YIPF2: variants seen among roughly 807,000 people sequenced by gnomAD.
YIPF2 encodes the protein protein YIPF2.
YIPF2 carries 30 observed loss-of-function variants against 38.8 expected under a neutral mutation model. That is an observed-to-expected ratio of 0.77 (90% confidence interval 0.58 to 1.05). YIPF2 has a LOEUF of 1.05. YIPF2 is among the 50% of genes least tolerant of loss of function. YIPF2 has a pLI of 0.00. For synonymous variants in YIPF2, 194 were observed against 183.8 expected (o/e 1.06, Z -0.45); for missense variants, 401 against 409.7 (o/e 0.98, Z 0.18).
At chr19:10,926,083 G>C (rs2083420768) in intron 4 of YIPF2, among the ~76,000 whole-genome samples, 1 of 151,304 alleles carries the variant, frequency 6.6e-6, no homozygotes, top group Admixed American at 6.6e-5. Context: ...GCTAATAGTT[G>C]TATTTTTAAT....
intron 4 of YIPF2, among the ~76,000 whole-genome samples, chr19:10,927,272 G>T (rs2083440669): frequency 6.6e-6 from 1 of 152,204 alleles, no homozygotes; most frequent in East Asian, 1.9e-4. Flanking sequence ...CTTAAGTGCT[G>T]GGATTACAGG....
chr19:10,927,934 C>A lies in YIPF2; in HGVS notation c.57G>T (p.Leu19=). 1 of 1,609,476 alleles carries A rather than the reference C, an allele frequency of 6.2e-7. No individual in the cohort carries two copies. Among genetic ancestry groups the A allele is most frequent in the Middle Eastern group, 1.7e-4 (1 of 6,052 alleles). ...TGGTGGCTGCATCTGGGGTGTCAGC[C>A]AGAAGATTAGTGGCCTCCTCGAATT... ...FHEFEEATNL[L]ADTPDAATTS... The change falls in exon 3 of 10, where the codon CTG becomes CTT. Residue 19 remains leucine (L), a synonymous_variant. Coordinates refer to ENST00000586748, the MANE Select transcript of YIPF2 (RefSeq NM_001321439.2).
intron 5 of YIPF2, among the ~76,000 whole-genome samples, chr19:10,924,854 C>A (rs1350927558): frequency 1.3e-5 from 2 of 151,776 alleles, no homozygotes; most frequent in African/African-American, 4.8e-5. Flanking sequence ...TCCACAGTCC[C>A]CACCATGTGG....
chr19:10,928,491 C>A lies in YIPF2; in HGVS notation c.-31+20G>T. 7.4e-7 allele frequency: 1 copy of A among 1,343,480 alleles called. No homozygotes were observed. The highest frequency in any genetic ancestry group is 1.5e-5 in the African/African-American group (1 of 64,872). 83.2% of individuals were successfully genotyped at this position (1,343,480 alleles called of 1,614,324 possible). A position where few individuals can be genotyped will look rare whatever the true frequency, so the allele number is the denominator to read the frequency against. Reference sequence around the variant, plus strand: ...ACTTCCCCCCCGCCCCCGAGCCGGTCCCTCGGCCCCCAGCCCTACCTGGCG... The same window carrying A: ...ACTTCCCCCCCGCCCCCGAGCCGGTACCTCGGCCCCCAGCCCTACCTGGCG... On this transcript the variant is annotated intron_variant, in intron 1 of 9. Coordinates refer to ENST00000586748, the MANE Select transcript of YIPF2 (RefSeq NM_001321439.2).
At chr19:10,926,512 C>G (rs2083428126) in intron 4 of YIPF2, among the ~76,000 whole-genome samples, 1 of 152,100 alleles carries the variant, frequency 6.6e-6, no homozygotes, top group Admixed American at 6.6e-5. Flanking sequence ...AGGCGTGAGC[C>G]ACCGCACCCG....
At chr19:10,924,928 A>G (rs12985197) in intron 5 of YIPF2, among the ~76,000 whole-genome samples, 44,906 of 151,706 alleles carry the variant, frequency 0.3, 6,845 homozygotes, top group East Asian at 0.55. Flanking sequence ...GGGACCCCGA[A>G]AACACTTAAA....
Position 10,924,150 on chromosome 19 carries a change from A to G in YIPF2, c.410T>C (p.Val137Ala), listed in dbSNP as rs777454220. The change falls in exon 6 of 10, where the codon GTC becomes GCC. Residue 137 changes from valine (V) to alanine (A), a missense_variant. By Grantham distance (64) the Val-to-Ala change is moderately conservative. Transcript: ENST00000586748. ...CAGCACCAGCGTCAGGTTGCCAGTG[A>G]CGGCCAGGACAAAGGCCAACGTGGC... ...ICATLAFVLA[V>A]TGNLTLVLAQ... 95 of 1,613,330 alleles carry G rather than the reference A, an allele frequency of 5.9e-5. No homozygotes were observed. In the South Asian group the frequency reaches 9.2e-4, roughly 16 times the overall value.
At position 10,928,614 on chromosome 19, in the gene YIPF2, G is replaced by A; in HGVS notation, c.-134C>T. On this transcript the variant is annotated 5_prime_UTR_variant, in exon 1 of 10. Transcript: ENST00000586748. ...GGCCACCTGGGCCGGCGTGGCTGGG[G>A]CTCTCTGCGCCTGCGCGTCTCGCCT... 2 of 869,180 alleles carry A rather than the reference G, an allele frequency of 2.3e-6. No individual in the cohort carries two copies. Among genetic ancestry groups the A allele is most frequent in the Non-Finnish European group, 3.3e-6 (2 of 610,580 alleles). The allele number at this position is 869,180 out of a possible 1,614,324, so 53.8% of individuals were successfully genotyped here.
rs759584326 is a variant in YIPF2, at chr19:10,923,907, G to C, written c.577C>G (p.Arg193Gly). 1.9e-6 allele frequency: 3 copies of C among 1,613,170 alleles called. No homozygotes were observed. The highest frequency in any genetic ancestry group is 2.5e-6 in the Non-Finnish European group (3 of 1,179,640). ...FLRWRKGVQE[R>G]MGPYTFLETV... is the part of the protein sequence containing the mutation. ...TCCAGGAAGGTGTAGGGCCCCATGC[G>C]CTCCTGGACACCCTTGCGCCACCGC... is the stretch of plus-strand genomic sequence containing the variant. Residue 193 changes from arginine to glycine, a missense_variant, in exon 7 of 10, where the codon CGC becomes GGC. Coordinates refer to ENST00000586748, the MANE Select transcript of YIPF2 (RefSeq NM_001321439.2).
At chr19:10,925,507 T>G (rs1033798030) in intron 5 of YIPF2, among the ~76,000 whole-genome samples, 179 bp downstream of exon 5, 1 of 152,172 alleles carries the variant, frequency 6.6e-6, no homozygotes, top group Non-Finnish European at 1.5e-5. Flanking sequence ...TCCTCCTGTC[T>G]GCTCTGCTGC....
Position 10,927,942 on chromosome 19 carries a change from T to A in YIPF2, c.49A>T (p.Asn17Tyr), listed in dbSNP as rs899850047. 13 of 1,607,214 alleles carry A rather than the reference T, an allele frequency of 8.1e-6. 1 individual carries two copies. The highest frequency in any genetic ancestry group is 1.1e-5 in the Non-Finnish European group (13 of 1,174,536). ...GCATCTGGGGTGTCAGCCAGAAGAT[T>A]AGTGGCCTCCTCGAATTCTGTGGAG... Reference protein sequence around the residue: ...LTFHEFEEATNLLADTPDAAT... With the variant: ...LTFHEFEEATYLLADTPDAAT... Residue 17 changes from asparagine (N) to tyrosine (Y), a missense_variant, in exon 3 of 10, where the codon AAT becomes TAT. By Grantham distance (143) the Asn-to-Tyr change is moderately radical (BLOSUM62 -2). Coordinates refer to ENST00000586748, the MANE Select transcript of YIPF2 (RefSeq NM_001321439.2).
At chr19:10,923,195 G>C (rs2145259305) in intron 9 of YIPF2, 21 bp from the exon 10 acceptor site, 1 of 1,263,830 alleles carries the variant, frequency 7.9e-7, no homozygotes, top group African/African-American at 1.5e-5. Context: ...GAATTGTCTG[G>C]GAGTGGCCCC....
chr19:10,927,687 C>T lies in YIPF2; in HGVS notation c.222G>A (p.Gln74=). 1 of 1,605,772 alleles carries T rather than the reference C, an allele frequency of 6.2e-7. No individual in the cohort carries two copies. Among genetic ancestry groups the T allele is most frequent in the Non-Finnish European group, 8.5e-7 (1 of 1,176,164 alleles). The change falls in exon 4 of 10, where the codon CAG becomes CAA. Residue 74 remains glutamine, a synonymous_variant. Coordinates refer to ENST00000586748, the MANE Select transcript of YIPF2 (RefSeq NM_001321439.2). ...ALLQEQQQQQ[Q]PGFWTFSYYQ... ...AGTAGCTGAAGGTCCAGAATCCCGGCTGCTGCTGCTGCTGCTGCTCCTGCA... is the reference window on the plus strand; with the variant it reads ...AGTAGCTGAAGGTCCAGAATCCCGGTTGCTGCTGCTGCTGCTGCTCCTGCA...
In YIPF2 at chr19:10,924,133, GC is replaced by G. The variant is rs1428395708; in HGVS notation, c.426del (p.Leu143TrpfsTer20). On this transcript the variant is annotated frameshift_variant, in exon 6 of 10. Transcript: ENST00000586748. LOFTEE classifies it high-confidence loss of function. Reference sequence around the variant, plus strand: ...GGGTCCCTCCTCTGGGCCAGCACCAGCGTCAGGTTGCCAGTGACGGCCAGGA... The same window carrying G: ...GGGTCCCTCCTCTGGGCCAGCACCAGGTCAGGTTGCCAGTGACGGCCAGGA... The part of the protein sequence containing the change: ...AFVLAVTGNL[T>X]LVLAQRRDPS... 6.2e-7 allele frequency: 1 copy of G among 1,613,596 alleles called. No individual in the cohort carries two copies. The highest frequency in any genetic ancestry group is 8.5e-7 in the Non-Finnish European group (1 of 1,179,958).
chr19:10,923,699 G>A, intron 7 of YIPF2, 22 bp from the exon 8 acceptor site: 1 of 1,593,610 alleles, frequency 6.3e-7, no homozygotes, highest in Non-Finnish European at 8.6e-7. Flanking sequence ...ACGGCGGCAG[G>A]TGACCATGCC....
At position 10,923,131 on chromosome 19, in the gene YIPF2, T is replaced by TG; in HGVS notation, c.*62dup. 9.5e-6 allele frequency: 6 copies of TG among 634,528 alleles called. No individual in the cohort carries two copies. Among genetic ancestry groups the TG allele is most frequent in the Non-Finnish European group, 1.0e-5 (4 of 383,670 alleles). 39.3% of individuals were successfully genotyped at this position (634,528 alleles called of 1,614,324 possible). ...GTCAAAGGAGCCTTCAGTCATCGTC[T>TG]GGGGGGCAGGACAGGCAGAGGGGTT... On this transcript the variant is annotated 3_prime_UTR_variant, in exon 10 of 10. Coordinates refer to ENST00000586748, the MANE Select transcript of YIPF2 (RefSeq NM_001321439.2).
At chr19:10,923,439 C>G (rs1477797775) in intron 8 of YIPF2, 32 bp from the exon 9 acceptor site, 36 of 1,613,026 alleles carry the variant, frequency 2.2e-5, no homozygotes, top group Non-Finnish European at 2.7e-5. Flanking sequence ...AGAGGCAGGG[C>G]CAGCCCATGC....
At position 10,928,626 on chromosome 19, in the gene YIPF2, T is replaced by C; in HGVS notation, c.-146A>G. The C allele has an allele frequency of 1.2e-6, 1 of 847,778 alleles. No homozygotes were observed. Among genetic ancestry groups the C allele is most frequent in the Non-Finnish European group, 1.7e-6 (1 of 590,408 alleles). The allele number at this position is 847,778 out of a possible 1,614,324, so 52.5% of individuals were successfully genotyped here. On this transcript the variant is annotated 5_prime_UTR_variant, in exon 1 of 10. Transcript: ENST00000586748. The stretch of plus-strand genomic sequence containing the variant: ...CGGCGTGGCTGGGGCTCTCTGCGCC[T>C]GCGCGTCTCGCCTACCCGTCAGACT...
Position 10,928,535 on chromosome 19 carries a change from G to A in YIPF2, c.-55C>T. The A allele has an allele frequency of 1.6e-6, 2 of 1,255,538 alleles. No homozygotes were observed. The highest frequency in any genetic ancestry group is 3.1e-5 in the East Asian group (1 of 32,024). 77.8% of individuals were successfully genotyped at this position (1,255,538 alleles called of 1,614,324 possible). A position where few individuals can be genotyped will look rare whatever the true frequency, so the allele number is the denominator to read the frequency against. ...CCTGGCGACCAACTGCACCCACGGA[G>A]GCTTGAACTCGTCGTCCCGTCCCCA... On this transcript the variant is annotated 5_prime_UTR_variant, in exon 1 of 10. Transcript: ENST00000586748.
Sources: gnomAD v4.1 joint callset for allele counts (sites outside exome capture counted in the v4.1 genomes callset) on GRCh38, gnomAD v4.1.1 for gene constraint, MANE v1.5 for transcripts, NCBI Gene and HGNC (gene_info 2026-07-23, HGNC 2026-07-21) for gene names.